KCTD1: variants seen among roughly 807,000 people sequenced by gnomAD.
The protein encoded by KCTD1 is BTB/POZ domain-containing protein KCTD1.
Under a neutral mutation model 66.0 loss-of-function variants are expected in KCTD1, and 24 were observed. The observed-to-expected ratio is 0.36, with a 90% CI of 0.26 to 0.51. KCTD1 has a LOEUF of 0.51. KCTD1 is among the 20% of genes least tolerant of loss of function. The pLI, the probability that KCTD1 is intolerant of heterozygous loss-of-function variation, is 0.95. For missense variants in KCTD1, 943 were observed against 1,205.2 expected (o/e 0.78, Z 3.22); for synonymous variants, 511 against 517.2 (o/e 0.99, Z 0.16).
chr18:26,552,619 A>C (rs568915108), upstream of KCTD1, among the ~76,000 whole-genome samples: 11 of 152,364 alleles, frequency 7.2e-5, no homozygotes, highest in African/African-American at 2.6e-4. Flanking sequence ...ATATTTCCTT[A>C]TCATTAATTC....
chr18:26,654,887 T>G lies in KCTD1; in HGVS notation c.9+2473A>C, dbSNP rs775412507. ...CAGCAGCAGGACTCCCGAGTCAAAC[T>G]GTTGCAGTCAGTGTTTTAGTTTCCT... On this transcript the variant is annotated intron_variant, in intron 1 of 4. Transcript: ENST00000580191. Among the ~76,000 whole-genome samples, 5 of 152,336 alleles carry G rather than the reference T, an allele frequency of 3.3e-5. No individual in the cohort carries two copies. In the East Asian group the frequency reaches 9.6e-4, roughly 29 times the overall value.
In KCTD1 at chr18:26,547,228, T is replaced by C; in HGVS notation, c.1309A>G (p.Met437Val). 1.3e-6 allele frequency: 2 copies of C among 1,551,484 alleles called. No homozygotes were observed. Among genetic ancestry groups the C allele is most frequent in the Non-Finnish European group, 1.7e-6 (2 of 1,146,954 alleles). ...GKNLLGTRMQMLSKAAKLSKT... is the reference protein window; with the variant it reads ...GKNLLGTRMQVLSKAAKLSKT... ...GAGAGCTTGGCCGCCTTGGAGAGCA[T>C]CTGCATCCGAGTGCCTAGCAAGTTC... The change falls in exon 1 of 5, where the codon ATG becomes GTG. Residue 437 changes from methionine (M) to valine (V), a missense_variant. Met to Val is a conservative substitution (Grantham distance 21, BLOSUM62 1). Coordinates refer to ENST00000580059, the MANE Select transcript of KCTD1 (RefSeq NM_001142730.3).
chr18:26,513,899 C>T (rs1983486398), intron 1 of KCTD1, among the ~76,000 whole-genome samples: 1 of 152,190 alleles, frequency 6.6e-6, no homozygotes, highest in Non-Finnish European at 1.5e-5. Context: ...GATTCCTTAA[C>T]AATCACACCA....
chr18:26,559,886 T>C (rs1452050125), intron 1 of KCTD1, among the ~76,000 whole-genome samples: 2 of 152,194 alleles, frequency 1.3e-5, no homozygotes, highest in African/African-American at 4.8e-5. Context: ...CAGGACGCAA[T>C]GGCCAGGCCC....
upstream of KCTD1, among the ~76,000 whole-genome samples, chr18:26,553,017 G>T (rs1228412969): frequency 6.7e-6 from 1 of 148,688 alleles, no homozygotes; most frequent in African/African-American, 2.5e-5. Context: ...TTGAGACAGG[G>T]TCTTACTCTT....
chr18:26,546,760 T>C lies in KCTD1; in HGVS notation c.1777A>G (p.Ile593Val), dbSNP rs1436980810. The C allele has an allele frequency of 1.7e-5, 27 of 1,549,978 alleles. No homozygotes were observed. The highest frequency in any genetic ancestry group is 1.7e-4 in the Middle Eastern group (1 of 5,982). Residue 593 changes from isoleucine (I) to valine (V), a missense_variant, in exon 1 of 5, where the codon ATA becomes GTA. Coordinates refer to ENST00000580059, the MANE Select transcript of KCTD1 (RefSeq NM_001142730.3). Reference protein sequence around the residue: ...NGHRSTNSPTIVSPAIVSPTQ... With the variant: ...NGHRSTNSPTVVSPAIVSPTQ... ...GGGGAAACAATAGCAGGTGAAACTATTGTGGGAGAATTGGTGCTTCTGTGC... is the reference window on the plus strand; with the variant it reads ...GGGGAAACAATAGCAGGTGAAACTACTGTGGGAGAATTGGTGCTTCTGTGC...
chr18:26,649,261 A>G (rs1291702357), intron 1 of KCTD1, among the ~76,000 whole-genome samples: 1 of 152,204 alleles, frequency 6.6e-6, no homozygotes, highest in Non-Finnish European at 1.5e-5. Context: ...AGAGCATGGT[A>G]GACGCTGGAG....
At position 26,475,871 on chromosome 18, in the gene KCTD1, C is replaced by CA. The variant is rs553348357; in HGVS notation, c.2133+643dup. On this transcript the variant is annotated intron_variant, in intron 3 of 4. Transcript: ENST00000580059. ...CCGTCTCAAAAAACAAACAAACAAA[C>CA]AAAAAAAGCTATATATTGATCCTGA... Among the ~76,000 whole-genome samples the CA allele has an allele frequency of 3.4e-3, 522 of 152,020 alleles. 3 individuals carry two copies. Among genetic ancestry groups the CA allele is most frequent in the Non-Finnish European group, 6.2e-3 (423 of 67,928 alleles).
At chr18:26,573,763 T>C (rs771994840) in intron 1 of KCTD1, among the ~76,000 whole-genome samples, 2 of 152,232 alleles carry the variant, frequency 1.3e-5, no homozygotes, top group African/African-American at 2.4e-5. Flanking sequence ...GTCTTTAAAA[T>C]CTTGCAAAAT....
chr18:26,560,426 C>T (rs1312206174), intron 1 of KCTD1, among the ~76,000 whole-genome samples: 2 of 152,154 alleles, frequency 1.3e-5, no homozygotes, highest in African/African-American at 4.8e-5. Flanking sequence ...CTGCGATTGG[C>T]TGCATGTTAA....
intron 1 of KCTD1, among the ~76,000 whole-genome samples, chr18:26,506,157 T>A (rs1983025996): frequency 6.6e-6 from 1 of 152,124 alleles, no homozygotes; most frequent in Non-Finnish European, 1.5e-5. Flanking sequence ...GCTGAGATTA[T>A]AGGTGTTAGC....
chr18:26,457,533 C>T (rs532964269), intron 4 of KCTD1: 1 of 152,354 alleles, frequency 6.6e-6, no homozygotes, highest in African/African-American at 2.4e-5. Flanking sequence ...CTTAAGGTCA[C>T]TAAATGCTAA....
At chr18:26,568,144 C>G (rs371774109) in intron 1 of KCTD1, among the ~76,000 whole-genome samples, 12 of 152,310 alleles carry the variant, frequency 7.9e-5, no homozygotes, top group African/African-American at 2.9e-4. Flanking sequence ...ACCCCACATA[C>G]AGCAAAAGTA....
At chr18:26,513,467 C>T (rs1291945350) in intron 1 of KCTD1, among the ~76,000 whole-genome samples, 1 of 152,082 alleles carries the variant, frequency 6.6e-6, no homozygotes, top group Non-Finnish European at 1.5e-5. Context: ...TAACTTTTGC[C>T]CCAATTACCT....
intron 1 of KCTD1, among the ~76,000 whole-genome samples, chr18:26,503,785 G>GT (rs1162762819): frequency 7.4e-6 from 1 of 134,308 alleles, no homozygotes; most frequent in Admixed American, 8.7e-5. Context: ...CATTTACACT[G>GT]TAAGTCATAA....
upstream of KCTD1, among the ~76,000 whole-genome samples, chr18:26,551,636 C>A (rs1159467340): frequency 6.6e-6 from 1 of 151,976 alleles, no homozygotes; most frequent in African/African-American, 2.4e-5. Context: ...ACCCTGCTTC[C>A]CCTCGACCAA....
At chr18:26,633,047 G>C (rs1987654581), upstream of KCTD1, among the ~76,000 whole-genome samples, 1 of 152,056 alleles carries the variant, frequency 6.6e-6, no homozygotes, top group Non-Finnish European at 1.5e-5. Flanking sequence ...AAAAAGAACA[G>C]TGCAAGGGGA....
At chr18:26,493,247 C>G (rs1281469416) in intron 2 of KCTD1, among the ~76,000 whole-genome samples, 1 of 152,176 alleles carries the variant, frequency 6.6e-6, no homozygotes, top group Middle Eastern at 3.2e-3. Flanking sequence ...GAAGCTCTGG[C>G]AGGGGTGCAA....
chr18:26,548,641 C>A, upstream of KCTD1: 1 of 1,140,316 alleles, frequency 8.8e-7, no homozygotes, highest in Non-Finnish European at 1.1e-6. Flanking sequence ...GGAGGCAAAG[C>A]CGGGCTCTTA....
Sources: allele counts gnomAD v4.1 joint callset (sites outside exome capture counted in the v4.1 genomes callset), GRCh38; gene constraint gnomAD v4.1.1; transcripts MANE v1.5; gene names NCBI Gene and HGNC (gene_info 2026-07-23, HGNC 2026-07-21).